Variants in CSMD1 observed in about 807,000 individuals in gnomAD.
CSMD1 encodes the protein CUB and sushi domain-containing protein 1.
CSMD1 carries 213 observed loss-of-function variants against 417.5 expected under a neutral mutation model. The ratio of observed to expected loss-of-function variants is 0.51; its 90% CI spans 0.46 to 0.57. CSMD1 has a LOEUF of 0.57. Ranked by LOEUF, CSMD1 falls within the 20% of genes least tolerant of loss-of-function variation. The probability of loss-of-function intolerance (pLI) is 0.00; values close to 1 mark genes in which losing one functional copy is unlikely to be tolerated. For missense variants in CSMD1, 6,923 were observed against 4,529.7 expected (o/e 1.53, Z -15.17); for synonymous variants, 2,862 against 1,736.8 (o/e 1.65, Z -16.11).
intron 49 of CSMD1, among the ~76,000 whole-genome samples, chr8:3,082,854 C>T (rs886303848): frequency 6.6e-6 from 1 of 152,140 alleles, no homozygotes; most frequent in Non-Finnish European, 1.5e-5. Flanking sequence ...AGAGGTAAAA[C>T]CTGTAACTCT....
rs145060806 is a variant in CSMD1 at position 4,370,938 on chromosome 8, G to C, written c.415+49015C>G. 1.7e-4 allele frequency among the ~76,000 whole-genome samples: 26 copies of C among 152,302 alleles called. 1 individual carries two copies. The highest frequency in any genetic ancestry group is 6.3e-4 in the African/African-American group (26 of 41,570). On this transcript the variant is annotated intron_variant, in intron 3 of 69. Transcript: ENST00000635120. ...TGTCTGACACACTTCAGCCATTTCAGTCTGGTTTGAATCCATTGCTGGCGA... is the reference window on the plus strand; with the variant it reads ...TGTCTGACACACTTCAGCCATTTCACTCTGGTTTGAATCCATTGCTGGCGA...
chr8:4,613,925 G>A (rs1479777957), intron 2 of CSMD1, among the ~76,000 whole-genome samples: 2 of 151,078 alleles, frequency 1.3e-5, no homozygotes, highest in African/African-American at 4.9e-5. Context: ...ATTTAGTAGA[G>A]ATAGAGAAGT....
At chr8:3,727,501 A>G (rs199991918) in intron 6 of CSMD1, among the ~76,000 whole-genome samples, 1 of 152,224 alleles carries the variant, frequency 6.6e-6, no homozygotes, top group East Asian at 1.9e-4. Flanking sequence ...TAGAGCTCTC[A>G]TGCACTGCTG....
intron 7 of CSMD1, among the ~76,000 whole-genome samples, chr8:3,644,152 G>C (rs74348053): frequency 2.6e-3 from 402 of 152,272 alleles, no homozygotes; most frequent in African/African-American, 9.4e-3. Context: ...TTTTCAAAAT[G>C]TTAGGCCCCC....
chr8:2,983,987 T>C (rs1255431017), intron 54 of CSMD1, among the ~76,000 whole-genome samples: 1 of 152,210 alleles, frequency 6.6e-6, no homozygotes, highest in Non-Finnish European at 1.5e-5. Context: ...AGAAATACAC[T>C]GTTACAGTAT....
chr8:4,584,049 C>A (rs953042387), intron 2 of CSMD1, among the ~76,000 whole-genome samples: 1 of 151,806 alleles, frequency 6.6e-6, no homozygotes, highest in Non-Finnish European at 1.5e-5. Flanking sequence ...ACACTCACTA[C>A]GAAGGTCTGC....
At chr8:4,285,028 C>A (rs140685011) in intron 3 of CSMD1, among the ~76,000 whole-genome samples, 1 of 152,260 alleles carries the variant, frequency 6.6e-6, no homozygotes, top group Non-Finnish European at 1.5e-5. Context: ...ATGGTGTCCA[C>A]ACCATAAAAC....
At chr8:4,343,604 C>G (rs377304522) in intron 3 of CSMD1, among the ~76,000 whole-genome samples, 5 of 152,018 alleles carry the variant, frequency 3.3e-5, no homozygotes, top group South Asian at 4.2e-4. Context: ...CTAATAGAAA[C>G]TAACCCAAAA....
chr8:4,713,207 A>G (rs959237017), intron 1 of CSMD1, among the ~76,000 whole-genome samples: 10 of 152,248 alleles, frequency 6.6e-5, no homozygotes, highest in Admixed American at 6.5e-4. Context: ...TTAACACTTT[A>G]GACCAAATTA....
intron 10 of CSMD1, among the ~76,000 whole-genome samples, chr8:3,571,893 C>G (rs1169812448): frequency 1.3e-5 from 2 of 152,164 alleles, no homozygotes; most frequent in African/African-American, 2.4e-5. Context: ...GGGTGTACTT[C>G]CGTCCTCTCC....
At chr8:3,935,019 C>A (rs909328594) in intron 5 of CSMD1, among the ~76,000 whole-genome samples, 1 of 152,156 alleles carries the variant, frequency 6.6e-6, no homozygotes, top group Non-Finnish European at 1.5e-5. Flanking sequence ...CATGGAGTAT[C>A]TGAACTCCAA....
intron 3 of CSMD1, among the ~76,000 whole-genome samples, chr8:4,151,607 T>C (rs1039310554): frequency 3.9e-5 from 6 of 152,194 alleles, no homozygotes; most frequent in Admixed American, 1.3e-4. Context: ...TTCTCATGGA[T>C]TGTGACATGT....
intron 48 of CSMD1, among the ~76,000 whole-genome samples, chr8:3,087,813 T>G (rs1325944838): frequency 1.3e-5 from 2 of 152,250 alleles, no homozygotes; most frequent in African/African-American, 4.8e-5. Context: ...AGCAGCTTAC[T>G]GACTTAAATA....
chr8:3,979,985 G>C (rs572936076), intron 5 of CSMD1, among the ~76,000 whole-genome samples: 3 of 152,280 alleles, frequency 2.0e-5, no homozygotes, highest in African/African-American at 7.2e-5. Context: ...TTAAGAACTG[G>C]GTTGAACAAC....
At chr8:4,811,572 G>C (rs112417620) in intron 1 of CSMD1, among the ~76,000 whole-genome samples, 4 of 152,062 alleles carry the variant, frequency 2.6e-5, no homozygotes, top group African/African-American at 9.7e-5. Context: ...AAACACATGT[G>C]AGGCTCATCC....
At chr8:4,084,005 C>A (rs1360814011) in intron 3 of CSMD1, among the ~76,000 whole-genome samples, 1 of 151,908 alleles carries the variant, frequency 6.6e-6, no homozygotes, top group South Asian at 2.1e-4. Flanking sequence ...AAGAAAAAAA[C>A]AAACAACCCC....
chr8:3,087,283 G>A lies in CSMD1; in HGVS notation c.7288C>T (p.Pro2430Ser), dbSNP rs773886343. Residue 2430 changes from proline to serine, a missense_variant and splice_region_variant, in exon 49 of 70, where the codon CCT becomes TCT. Transcript: ENST00000635120. Reference protein sequence around the residue: ...KKGFKIRYAAPYCSLTHPLKN... With the variant: ...KKGFKIRYAASYCSLTHPLKN... ...AGGGGGTGGGTCAAACTGCAGTAAG[G>A]TGCTGTGGGCAGACAGACACACACA... The A allele has an allele frequency of 3.9e-5, 63 of 1,613,370 alleles. No homozygotes were observed. The highest frequency in any genetic ancestry group is 5.0e-5 in the Non-Finnish European group (59 of 1,179,516).
At chr8:4,526,240 C>A (rs138028122) in intron 2 of CSMD1, among the ~76,000 whole-genome samples, 152 of 152,294 alleles carry the variant, frequency 1.0e-3, no homozygotes, top group African/African-American at 3.1e-3. Context: ...TAATACTAGA[C>A]AAGAGATTCC....
chr8:3,299,343 T>G (rs1031209853), intron 25 of CSMD1, among the ~76,000 whole-genome samples: 5 of 152,074 alleles, frequency 3.3e-5, no homozygotes, highest in Admixed American at 6.6e-5. Flanking sequence ...TCCCAGCTAC[T>G]CAGGAGGCTC....
Sources: allele counts gnomAD v4.1 joint callset (sites outside exome capture counted in the v4.1 genomes callset), GRCh38; gene constraint gnomAD v4.1.1; transcripts MANE v1.5; gene names NCBI Gene and HGNC (gene_info 2026-07-23, HGNC 2026-07-21).